The following KCNMA1 variants were observed in gnomAD, a reference collection of about 807,000 sequenced individuals.
KCNMA1 encodes the protein Calcium-activated potassium channel subunit alpha-1.
KCNMA1 carries 29 observed loss-of-function variants against 140.0 expected under a neutral mutation model. The ratio of observed to expected loss-of-function variants is 0.21; its 90% confidence interval spans 0.15 to 0.28. The LOEUF is 0.28. Among genes scored for constraint, KCNMA1 ranks in the 10% least tolerant of loss-of-function variants. The pLI, the probability that KCNMA1 is intolerant of heterozygous loss-of-function variation, is 1.00. For synonymous variants in KCNMA1, 612 were observed against 611.9 expected, an observed-to-expected ratio of 1.00 and a Z score of 0.00; for missense variants, 880 against 1,602.2, an observed-to-expected ratio of 0.55 and a Z score of 7.70.
At chr10:77,345,444 G>A (rs1044829270) in intron 2 of KCNMA1, among the ~76,000 whole-genome samples, 1 of 152,176 alleles carries the variant, frequency 6.6e-6, no homozygotes, top group African/African-American at 2.4e-5. Flanking sequence ...ATCAGGAGGA[G>A]ATGCTTCTGA....
At chr10:76,947,102 A>C (rs1366752116) in intron 22 of KCNMA1, among the ~76,000 whole-genome samples, 1 of 152,112 alleles carries the variant, frequency 6.6e-6, no homozygotes, top group Non-Finnish European at 1.5e-5. Flanking sequence ...TGGGAGGCCG[A>C]GGTGGGTGGA....
rs575499518 is a variant in KCNMA1 at position 77,512,909 on chromosome 10, C to CAGT, written c.379-108889_379-108887dup. ...CTATTAACTCCCACCAGGACAAGTG[C>CAGT]AGTGGCCTGAGGGGCCCTTCTGCTT... On this transcript the variant is annotated intron_variant, in intron 1 of 27. Transcript: ENST00000286628. 1.2e-4 allele frequency among the ~76,000 whole-genome samples: 18 copies of CAGT among 152,352 alleles called. 1 individual carries two copies. The highest frequency in any genetic ancestry group is 3.4e-3 in the Middle Eastern group (1 of 294).
chr10:76,912,240 C>T (rs1341956783), intron 24 of KCNMA1: 3 of 152,208 alleles, frequency 2.0e-5, no homozygotes, highest in African/African-American at 7.2e-5. Flanking sequence ...TTGGAATAGT[C>T]AGGTGAAACA....
At chr10:77,232,031 T>C (rs1291206933) in intron 3 of KCNMA1, among the ~76,000 whole-genome samples, 2 of 152,226 alleles carry the variant, frequency 1.3e-5, no homozygotes, top group Non-Finnish European at 2.9e-5. Context: ...TGAAGTCATA[T>C]ACTGTGTGAT....
At chr10:76,891,860 A>C (rs1483766432) in intron 25 of KCNMA1, 141 bp from the exon 26 acceptor site, 1 of 730,830 alleles carries the variant, frequency 1.4e-6, no homozygotes, top group African/African-American at 1.7e-5. Context: ...TCATGTGGGG[A>C]GTGAAAAGAC....
intron 14 of KCNMA1, among the ~76,000 whole-genome samples, chr10:77,049,075 T>G (rs573004002): frequency 5.3e-5 from 8 of 152,266 alleles, no homozygotes; most frequent in African/African-American, 1.7e-4. Flanking sequence ...GAACGTGATA[T>G]TTAGTCACAG....
At chr10:77,429,825 A>G (rs988051438) in intron 1 of KCNMA1, among the ~76,000 whole-genome samples, 1 of 152,154 alleles carries the variant, frequency 6.6e-6, no homozygotes, top group Non-Finnish European at 1.5e-5. Flanking sequence ...TATATGATAT[A>G]TCAGGCAACC....
At chr10:76,873,150 T>C (rs1228050379), downstream of KCNMA1, 4 of 152,190 alleles carry the variant, frequency 2.6e-5, no homozygotes, top group East Asian at 3.9e-4. Context: ...AAGCTTACCA[T>C]AAAAATTGAA....
chr10:77,000,506 C>A (rs2085889776), intron 19 of KCNMA1, among the ~76,000 whole-genome samples: 1 of 152,066 alleles, frequency 6.6e-6, no homozygotes, highest in African/African-American at 2.4e-5. Flanking sequence ...AGCTGCATAG[C>A]CTTGACAGGT....
At chr10:77,623,392 T>G (rs1409657783) in intron 1 of KCNMA1, among the ~76,000 whole-genome samples, 1 of 152,168 alleles carries the variant, frequency 6.6e-6, no homozygotes, top group Non-Finnish European at 1.5e-5. Flanking sequence ...TTTTAGTTTA[T>G]TTTGTAAGAA....
intron 1 of KCNMA1, among the ~76,000 whole-genome samples, chr10:77,485,404 GA>G (rs1236320945): frequency 6.6e-6 from 1 of 152,186 alleles, no homozygotes; most frequent in African/African-American, 2.4e-5. Context: ...CTGATCATTA[GA>G]ATTTGGCAAC....
chr10:77,310,282 C>T (rs1044369806), intron 2 of KCNMA1, among the ~76,000 whole-genome samples: 1 of 152,160 alleles, frequency 6.6e-6, no homozygotes. Flanking sequence ...TCAGCTGCCC[C>T]TGCTGCTGCA....
intron 2 of KCNMA1, among the ~76,000 whole-genome samples, chr10:77,384,883 T>C (rs1192824500): frequency 6.6e-6 from 1 of 152,208 alleles, no homozygotes; most frequent in Non-Finnish European, 1.5e-5. Context: ...CATTCTTGAA[T>C]GAGAAGCACC....
At chr10:77,336,456 A>T (rs1603086533) in intron 2 of KCNMA1, among the ~76,000 whole-genome samples, 1 of 152,136 alleles carries the variant, frequency 6.6e-6, no homozygotes, top group East Asian at 1.9e-4. Flanking sequence ...AGATGAATGC[A>T]AAGAAAGAAA....
chr10:76,972,276 G>A (rs1274410651), intron 19 of KCNMA1, among the ~76,000 whole-genome samples: 2 of 152,076 alleles, frequency 1.3e-5, no homozygotes, highest in East Asian at 1.9e-4. Context: ...CACATCCAAA[G>A]GTTTTTATCT....
chr10:77,493,711 A>C (rs1379924117), intron 1 of KCNMA1: 2 of 152,232 alleles, frequency 1.3e-5, no homozygotes, highest in Non-Finnish European at 2.9e-5. Context: ...GGAAGAGAGC[A>C]TCTCTTTCCC....
chr10:77,621,295 A>G (rs2091289311), intron 1 of KCNMA1, among the ~76,000 whole-genome samples: 3 of 152,132 alleles, frequency 2.0e-5, no homozygotes, highest in Admixed American at 2.0e-4. Context: ...ATTTTAACAG[A>G]CCTGGAATTT....
At chr10:77,608,133 C>G (rs2085239513) in intron 1 of KCNMA1, among the ~76,000 whole-genome samples, 2 of 152,120 alleles carry the variant, frequency 1.3e-5, no homozygotes, top group Non-Finnish European at 2.9e-5. Context: ...TGCACGTCCC[C>G]CTGCACCCAC....
chr10:77,247,863 G>T (rs184206883), intron 3 of KCNMA1, among the ~76,000 whole-genome samples: 2 of 152,058 alleles, frequency 1.3e-5, no homozygotes, highest in African/African-American at 4.8e-5. Flanking sequence ...AAGGTTTAAC[G>T]TAATTATCTT....
Sources: allele counts gnomAD v4.1 joint callset (sites outside exome capture counted in the v4.1 genomes callset), GRCh38; gene constraint gnomAD v4.1.1; transcripts MANE v1.5; gene names NCBI Gene and HGNC (gene_info 2026-07-23, HGNC 2026-07-21).